The following RFX3 variants were observed in gnomAD, a reference collection of about 807,000 sequenced individuals.
RFX3 encodes regulatory factor X3, also known as transcription factor RFX3.
Under a neutral mutation model 98.6 loss-of-function variants are expected in RFX3, and 14 were observed. That is an observed-to-expected ratio of 0.14 (90% CI 0.09 to 0.22). The LOEUF (loss-of-function observed/expected upper bound fraction) is 0.22, where lower values mean the gene tolerates loss of function less well. Among genes scored for constraint, RFX3 ranks in the 10% least tolerant of loss-of-function variants. The probability of loss-of-function intolerance (pLI) is 1.00; values close to 1 mark genes in which losing one functional copy is unlikely to be tolerated. For synonymous variants in RFX3, 383 were observed against 328.4 expected (o/e 1.17, Z -1.80); for missense variants, 639 against 926.9 (o/e 0.69, Z 4.03).
intron 4 of RFX3, among the ~76,000 whole-genome samples, chr9:3,306,633 G>C (rs1187141529): frequency 6.6e-6 from 1 of 150,832 alleles, no homozygotes; most frequent in East Asian, 2.0e-4. Flanking sequence ...ATACCATTAG[G>C]AGACATACCT....
intron 2 of RFX3, among the ~76,000 whole-genome samples, chr9:3,379,884 A>G (rs1322422320): frequency 0.12 from 26 of 212 alleles, no homozygotes; most frequent in Non-Finnish European, 0.22. Flanking sequence ...TGGGCAATTT[A>G]TTTATTTATT....
chr9:3,283,334 A>T (rs1037759126), intron 7 of RFX3, among the ~76,000 whole-genome samples: 2 of 151,780 alleles, frequency 1.3e-5, no homozygotes, highest in Non-Finnish European at 3.0e-5. Flanking sequence ...GTTATTAAAA[A>T]AATTTTCAGA....
intron 3 of RFX3, among the ~76,000 whole-genome samples, chr9:3,335,620 G>A (rs1485248153): frequency 6.6e-6 from 1 of 152,112 alleles, no homozygotes; most frequent in Non-Finnish European, 1.5e-5. Flanking sequence ...TGTTCATTTT[G>A]TTTGTTCTGT....
At chr9:3,422,514 C>T (rs1004056260) in intron 1 of RFX3, among the ~76,000 whole-genome samples, 1 of 152,134 alleles carries the variant, frequency 6.6e-6, no homozygotes, top group South Asian at 2.1e-4. Flanking sequence ...ACCCTTCTGC[C>T]TTATTAGAAG....
At chr9:3,452,966 G>A (rs1846801825) in intron 1 of RFX3, among the ~76,000 whole-genome samples, 1 of 151,984 alleles carries the variant, frequency 6.6e-6, no homozygotes, top group Non-Finnish European at 1.5e-5. Context: ...TAGCAGTCTT[G>A]GAATCAAAAG....
At chr9:3,307,523 T>G (rs1328135741) in intron 4 of RFX3, among the ~76,000 whole-genome samples, 4 of 152,096 alleles carry the variant, frequency 2.6e-5, no homozygotes, top group Admixed American at 2.6e-4. Context: ...ATGAAAGGGA[T>G]GAATACAAAC....
intron 15 of RFX3, among the ~76,000 whole-genome samples, chr9:3,242,445 A>G (rs1461601464): frequency 6.6e-6 from 1 of 151,514 alleles, no homozygotes; most frequent in Non-Finnish European, 1.5e-5. Flanking sequence ...TTGTGATAAT[A>G]TTCTTTGCTT....
intron 3 of RFX3, among the ~76,000 whole-genome samples, chr9:3,333,934 T>C (rs939642958): frequency 1.3e-5 from 2 of 152,182 alleles, no homozygotes; most frequent in African/African-American, 4.8e-5. Context: ...TAAATTTTCA[T>C]AAACTCCATG....
intron 1 of RFX3, chr9:3,400,080 T>C (rs186965015): frequency 5.6e-6 from 1 of 179,836 alleles, no homozygotes; most frequent in Admixed American, 6.5e-5. Flanking sequence ...AGATTAAAAC[T>C]AGTGATTTTA....
chr9:3,432,267 G>T (rs571169615), intron 1 of RFX3, among the ~76,000 whole-genome samples: 8 of 152,174 alleles, frequency 5.3e-5, no homozygotes, highest in African/African-American at 1.7e-4. Context: ...GCATCAAACT[G>T]ATCTACTTGC....
chr9:3,330,273 C>A lies in RFX3; in HGVS notation c.460G>T (p.Ala154Ser), dbSNP rs1174287421. 4.3e-6 allele frequency: 7 copies of A among 1,613,964 alleles called. No individual in the cohort carries two copies. In the African/African-American group the frequency reaches 9.3e-5, roughly 22 times the overall value. Residue 154 changes from alanine to serine, a missense_variant, in exon 4 of 17, where the codon GCC becomes TCC. Physicochemically the swap from Ala to Ser is moderately conservative, Grantham distance 99. Transcript: ENST00000617270. ...CAAATACTTACTGTCGCTGGGGAGG[C>A]CCGAGTTGTGTGTGTCACTGAGTGA... is the stretch of plus-strand genomic sequence containing the variant. The part of the protein sequence containing the change: ...SGHSVTHTTR[A>S]SPATIEMAIE...
intron 13 of RFX3, among the ~76,000 whole-genome samples, chr9:3,257,454 T>C (rs1822286166): frequency 6.6e-6 from 1 of 152,194 alleles, no homozygotes; most frequent in South Asian, 2.1e-4. Context: ...ATTTGGTTTT[T>C]CTACATTAAC....
chr9:3,370,909 A>AT (rs1234086399), intron 2 of RFX3, among the ~76,000 whole-genome samples: 2 of 152,202 alleles, frequency 1.3e-5, no homozygotes, highest in Non-Finnish European at 2.9e-5. Flanking sequence ...TCATAATGAC[A>AT]TATGGCCACA....
Position 3,497,077 on chromosome 9 carries a change from G to C in RFX3, c.-9+28670C>G, listed in dbSNP as rs182949502. ...AACCTGTGTTTGTGTCTTCAAGAGTGAGCTGTGATTTGATACTCACAGGCT... is the reference window on the plus strand; with the variant it reads ...AACCTGTGTTTGTGTCTTCAAGAGTCAGCTGTGATTTGATACTCACAGGCT... On this transcript the variant is annotated intron_variant, in intron 1 of 16. Transcript: ENST00000617270. Among the ~76,000 whole-genome samples, 59 of 152,084 alleles carry C rather than the reference G, an allele frequency of 3.9e-4. 1 individual carries two copies. Among genetic ancestry groups the C allele is most frequent in the African/African-American group, 1.4e-3 (58 of 41,532 alleles).
At chr9:3,516,863 G>A (rs937789231) in intron 1 of RFX3, among the ~76,000 whole-genome samples, 11 of 152,154 alleles carry the variant, frequency 7.2e-5, no homozygotes, top group Non-Finnish European at 1.0e-4. Flanking sequence ...CACACACATA[G>A]AGAAGCTGGC....
intron 2 of RFX3, among the ~76,000 whole-genome samples, chr9:3,374,087 C>T (rs556118129): frequency 1.2e-4 from 17 of 143,332 alleles, no homozygotes; most frequent in Admixed American, 4.1e-4. Context: ...CACACACACA[C>T]GCGCGCACAC....
At chr9:3,414,415 T>C (rs1437638959) in intron 1 of RFX3, among the ~76,000 whole-genome samples, 5 of 151,780 alleles carry the variant, frequency 3.3e-5, no homozygotes. Context: ...TTATTCATAC[T>C]AGTTGAAAGA....
At chr9:3,415,881 C>G (rs1842939401) in intron 1 of RFX3, among the ~76,000 whole-genome samples, 1 of 152,162 alleles carries the variant, frequency 6.6e-6, no homozygotes. Context: ...GGCAATGTTC[C>G]TGAATGTCCC....
chr9:3,358,516 C>G (rs1188698905), intron 2 of RFX3, among the ~76,000 whole-genome samples: 1 of 152,126 alleles, frequency 6.6e-6, no homozygotes, highest in African/African-American at 2.4e-5. Context: ...CTCTTGATCA[C>G]ATGGAGACTT....
Sources: allele counts gnomAD v4.1 joint callset (sites outside exome capture counted in the v4.1 genomes callset), GRCh38; gene constraint gnomAD v4.1.1; transcripts MANE v1.5; gene names NCBI Gene and HGNC (gene_info 2026-07-23, HGNC 2026-07-21).